Variants in SPTLC2 observed in about 807,000 individuals in gnomAD.
The protein encoded by SPTLC2 is serine palmitoyltransferase 2.
A neutral mutation model predicts 62.0 loss-of-function variants in SPTLC2; 21 were observed. The observed-to-expected ratio is 0.34, with a 90% confidence interval of 0.24 to 0.49. The LOEUF is 0.49. SPTLC2 is among the 20% of genes least tolerant of loss of function. The pLI, the probability that SPTLC2 is intolerant of heterozygous loss-of-function variation, is 0.99. For missense variants in SPTLC2, 511 were observed against 713.0 expected (o/e 0.72, Z 3.23); for synonymous variants, 261 against 261.8 (o/e 1.00, Z 0.03).
chr14:77,507,888 TA>T lies in SPTLC2; in HGVS notation c.*4395del, dbSNP rs1403188557. ...ACAACCCCTTTGGGCTAAGCTGATT[TA>T]AAAAACATTTTTTTCTTAGATGGGG... On this transcript the variant is annotated 3_prime_UTR_variant, in exon 12 of 12. Coordinates refer to ENST00000216484, the MANE Select transcript of SPTLC2 (RefSeq NM_004863.4). 1 of 152,222 alleles carries T rather than the reference TA, an allele frequency of 6.6e-6. No homozygotes were observed. The highest frequency in any genetic ancestry group is 2.4e-5 in the African/African-American group (1 of 41,462). The allele number at this position is 152,222 out of a possible 1,614,324, so 9.4% of individuals were successfully genotyped here.
At chr14:77,614,445 A>G (rs1444561154) in intron 1 of SPTLC2, among the ~76,000 whole-genome samples, 1 of 152,156 alleles carries the variant, frequency 6.6e-6, no homozygotes, top group Non-Finnish European at 1.5e-5. Context: ...CAGGCGGATC[A>G]CGAGGTCAGG....
intron 1 of SPTLC2, among the ~76,000 whole-genome samples, chr14:77,604,753 G>T (rs2079895810): frequency 6.6e-6 from 1 of 151,220 alleles, no homozygotes; most frequent in South Asian, 2.1e-4. Flanking sequence ...TGTAATCCCA[G>T]CTACTCGGGA....
chr14:77,543,924 T>A (rs28527479), intron 9 of SPTLC2, among the ~76,000 whole-genome samples: 17,967 of 152,204 alleles, frequency 0.12, 1,336 homozygotes, highest in African/African-American at 0.21. Context: ...GTATCTTGAC[T>A]TCCAGTTTCT....
chr14:77,607,816 C>T (rs2079912960), intron 1 of SPTLC2, among the ~76,000 whole-genome samples: 1 of 152,182 alleles, frequency 6.6e-6, no homozygotes, highest in African/African-American at 2.4e-5. Context: ...AAATAACCTG[C>T]TTGCCTATGT....
chr14:77,548,561 G>C (rs1226133590), intron 9 of SPTLC2, among the ~76,000 whole-genome samples: 1 of 152,200 alleles, frequency 6.6e-6, no homozygotes, highest in Non-Finnish European at 1.5e-5. Flanking sequence ...GAATTTAACA[G>C]AATTTCCTAG....
intron 9 of SPTLC2, among the ~76,000 whole-genome samples, chr14:77,544,343 C>G (rs1241349497): frequency 2.0e-5 from 3 of 152,128 alleles, no homozygotes; most frequent in South Asian, 2.1e-4. Flanking sequence ...AATGCATATT[C>G]TAGGGCCTCA....
chr14:77,597,776 A>G (rs1363715784), intron 1 of SPTLC2, among the ~76,000 whole-genome samples: 1 of 151,480 alleles, frequency 6.6e-6, no homozygotes, highest in Non-Finnish European at 1.5e-5. Context: ...TCCGTGTCAA[A>G]AAAAAAAAGG....
At chr14:77,567,023 T>A (rs2079649081) in intron 5 of SPTLC2, among the ~76,000 whole-genome samples, 1 of 152,074 alleles carries the variant, frequency 6.6e-6, no homozygotes, top group African/African-American at 2.4e-5. Flanking sequence ...CAGGCTGGAG[T>A]GCAGTGGCCC....
At position 77,512,636 on chromosome 14, in the gene SPTLC2, G is replaced by A. The variant is rs545677406; in HGVS notation, c.1570-233C>T. 3.4e-4 allele frequency among the ~76,000 whole-genome samples: 52 copies of A among 152,304 alleles called. No individual in the cohort carries two copies. In the Middle Eastern group the frequency reaches 0.017, roughly 50 times the overall value. On this transcript the variant is annotated intron_variant, in intron 11 of 11. Coordinates refer to ENST00000216484, the MANE Select transcript of SPTLC2 (RefSeq NM_004863.4). ...TGAATAGCCAGGTATGCAGAATAAA[G>A]GCTATAATTCAAAGTATGATATGCT...
intron 1 of SPTLC2, among the ~76,000 whole-genome samples, chr14:77,615,167 TCCTC>T (rs2079959710): frequency 6.6e-6 from 1 of 152,196 alleles, no homozygotes; most frequent in Non-Finnish European, 1.5e-5. Flanking sequence ...TGTTATCACT[TCCTC>T]CCTCACACAA....
intron 9 of SPTLC2, among the ~76,000 whole-genome samples, chr14:77,530,147 G>GATAGGAGTGACTATTGTTATTACATC (rs2079430851): frequency 6.6e-6 from 1 of 152,118 alleles, no homozygotes; most frequent in South Asian, 2.1e-4. Flanking sequence ...TGGAGGAGGA[G>GATAGGAGTGACTATTGTTATTACATC]ATAGGAGTGA....
intron 1 of SPTLC2, among the ~76,000 whole-genome samples, chr14:77,599,629 T>C (rs561753064): frequency 1.3e-5 from 2 of 152,336 alleles, no homozygotes; most frequent in East Asian, 1.9e-4. Context: ...CTGAAAACTA[T>C]TCACAAACTC....
chr14:77,598,122 C>CAAAAAAAAAAAAAA (rs11410783), intron 1 of SPTLC2, among the ~76,000 whole-genome samples: 1 of 116,988 alleles, frequency 8.5e-6, no homozygotes, highest in Admixed American at 9.0e-5. Flanking sequence ...AACCCCATCT[C>CAAAAAAAAAAAAAA]AAAAAAAAAA....
At chr14:77,555,555 T>C (rs1176141685) in intron 7 of SPTLC2, 36 bp from the exon 8 acceptor site, 2 of 1,587,138 alleles carry the variant, frequency 1.3e-6, no homozygotes, top group African/African-American at 1.3e-5. Flanking sequence ...TATACACATA[T>C]ACACTGAGAC....
At chr14:77,560,801 T>C (rs185370727) in intron 6 of SPTLC2, among the ~76,000 whole-genome samples, 7 of 151,662 alleles carry the variant, frequency 4.6e-5, no homozygotes, top group African/African-American at 1.5e-4. Flanking sequence ...AAGTGGGAGC[T>C]AAACACTGAG....
At chr14:77,572,075 AC>A (rs1267871962) in intron 4 of SPTLC2, among the ~76,000 whole-genome samples, 2 of 152,246 alleles carry the variant, frequency 1.3e-5, no homozygotes, top group African/African-American at 2.4e-5. Flanking sequence ...GGCGTGAGCC[AC>A]CGCATCCAGC....
intron 5 of SPTLC2, among the ~76,000 whole-genome samples, chr14:77,565,324 T>C (rs1594993174): frequency 6.8e-6 from 1 of 147,140 alleles, no homozygotes; most frequent in Non-Finnish European, 1.5e-5. Flanking sequence ...CTAAAGTTAG[T>C]GGGTGAAAGT....
intron 2 of SPTLC2, 85 bp downstream of exon 2, chr14:77,597,101 T>G (rs2079851523): frequency 1.4e-6 from 2 of 1,404,572 alleles, no homozygotes; most frequent in Admixed American, 4.2e-5. Context: ...GTACCCAAAT[T>G]TCTGAGAAAA....
intron 5 of SPTLC2, among the ~76,000 whole-genome samples, chr14:77,563,829 G>A (rs1207287746): frequency 6.6e-6 from 1 of 152,128 alleles, no homozygotes; most frequent in Non-Finnish European, 1.5e-5. Context: ...ATATATACAT[G>A]CTTATTTATT....
Sources: allele counts gnomAD v4.1 joint callset (sites outside exome capture counted in the v4.1 genomes callset), GRCh38; gene constraint gnomAD v4.1.1; transcripts MANE v1.5; gene names NCBI Gene and HGNC (gene_info 2026-07-23, HGNC 2026-07-21).